Variants in ENTPD4 observed in about 807,000 individuals in gnomAD.
ENTPD4 encodes Golgi UDPase.
In ENTPD4, 60 loss-of-function variants were observed where a neutral mutation model predicts 79.1. The ratio of observed to expected loss-of-function variants is 0.76; its 90% CI spans 0.62 to 0.94. The LOEUF (loss-of-function observed/expected upper bound fraction) is 0.94, where lower values mean the gene tolerates loss of function less well. Among genes scored for constraint, ENTPD4 ranks in the 40% least tolerant of loss-of-function variants. ENTPD4 has a pLI of 0.00. For synonymous variants in ENTPD4, 276 were observed against 292.0 expected (o/e 0.95, Z 0.56); for missense variants, 772 against 775.1 (o/e 1.00, Z 0.05).
rs957079818 is a variant in ENTPD4, at chr8:23,444,351, A to AATG, written c.563+102_563+104dup. 70 of 992,748 alleles carry AATG rather than the reference A, an allele frequency of 7.1e-5. 1 individual carries two copies. The highest frequency in any genetic ancestry group is 1.6e-4 in the Admixed American group (7 of 43,792). 61.5% of individuals were successfully genotyped at this position (992,748 alleles called of 1,614,324 possible). A position where few individuals can be genotyped will look rare whatever the true frequency, so the allele number is the denominator to read the frequency against. On this transcript the variant is annotated intron_variant, in intron 5 of 12. Coordinates refer to ENST00000358689, the MANE Select transcript of ENTPD4 (RefSeq NM_004901.5). ...AAAGAATTTTGAATATTTTCCTTTC[A>AATG]ATGATGATGATGATGATGGAGAGGA...
Position 23,435,477 on chromosome 8 carries a change from C to A in ENTPD4, c.1375G>T (p.Asp459Tyr). ...NAAKFTKAAK[D>Y]YCATKWSILR... Reference sequence around the variant, plus strand: ...ATGGACCACTTTGTTGCACAATAATCCTGAAAACAAATTCACCAAAATAGA... The same window carrying A: ...ATGGACCACTTTGTTGCACAATAATACTGAAAACAAATTCACCAAAATAGA... Residue 459 changes from aspartate to tyrosine, a missense_variant and splice_region_variant, in exon 11 of 13, where the codon GAT becomes TAT. Transcript: ENST00000358689. 1 of 1,612,692 alleles carries A rather than the reference C, an allele frequency of 6.2e-7. No individual in the cohort carries two copies. Among genetic ancestry groups the A allele is most frequent in the East Asian group, 2.2e-5 (1 of 44,864 alleles).
intron 12 of ENTPD4, among the ~76,000 whole-genome samples, chr8:23,433,539 G>A (rs868105668): frequency 2.6e-5 from 4 of 152,162 alleles, no homozygotes; most frequent in Non-Finnish European, 2.9e-5. Flanking sequence ...TTAAATGGAG[G>A]GGGTGGGGGG....
At chr8:23,457,111 A>G (rs963956989) in intron 1 of ENTPD4, among the ~76,000 whole-genome samples, 2 of 152,352 alleles carry the variant, frequency 1.3e-5, no homozygotes, top group Non-Finnish European at 2.9e-5. Flanking sequence ...CATTTTTCCA[A>G]GAAGAAATCT....
rs768362885 is a variant in ENTPD4, at chr8:23,433,139, C to T, written c.1638G>A (p.Glu546=). ...AGTGGGTGTGACTGGCTCGGAAGGC[C>T]TCCTGCTGGATGTCTCTGCCCATGT... ...RFLPLRDIQQ[E]AFRASHTHWR... Residue 546 remains glutamate, a synonymous_variant, in exon 13 of 13, where the codon GAG becomes GAA. Transcript: ENST00000358689. 7 of 1,614,130 alleles carry T rather than the reference C, an allele frequency of 4.3e-6. No homozygotes were observed. In the East Asian group the frequency reaches 1.1e-4, roughly 26 times the overall value.
rs1268517179 is a variant in ENTPD4, at chr8:23,432,046, C to A, written c.*880G>T. The A allele has an allele frequency of 2.0e-6, 2 of 985,180 alleles. No homozygotes were observed. Among genetic ancestry groups the A allele is most frequent in the Non-Finnish European group, 1.2e-6 (1 of 829,888 alleles). The allele number at this position is 985,180 out of a possible 1,614,324, so 61.0% of individuals were successfully genotyped here. A position where few individuals can be genotyped will look rare whatever the true frequency, so the allele number is the denominator to read the frequency against. On this transcript the variant is annotated 3_prime_UTR_variant, in exon 13 of 13. Coordinates refer to ENST00000358689, the MANE Select transcript of ENTPD4 (RefSeq NM_004901.5). Reference sequence around the variant, plus strand: ...TCGCACAAAGCTGTAGTCGATAGTTCACTATCACTTTTATAAATGGTTATC... The same window carrying A: ...TCGCACAAAGCTGTAGTCGATAGTTAACTATCACTTTTATAAATGGTTATC...
At position 23,432,738 on chromosome 8, in the gene ENTPD4, T is replaced by A; in HGVS notation, c.*188A>T. Reference sequence around the variant, plus strand: ...TGGTCTCGATCTCCTGACCTCATGATCCGCCCGCCTCGGCCTCCCAAAGTG... The same window carrying A: ...TGGTCTCGATCTCCTGACCTCATGAACCGCCCGCCTCGGCCTCCCAAAGTG... On this transcript the variant is annotated 3_prime_UTR_variant, in exon 13 of 13. Transcript: ENST00000358689. 2.3e-6 allele frequency: 3 copies of A among 1,286,456 alleles called. No individual in the cohort carries two copies. The highest frequency in any genetic ancestry group is 1.6e-5 in the South Asian group (1 of 61,642). The allele number at this position is 1,286,456 out of a possible 1,614,324, so 79.7% of individuals were successfully genotyped here.
In ENTPD4 at chr8:23,433,157, GC is replaced by G; in HGVS notation, c.1623-4del. The G allele has an allele frequency of 6.2e-7, 1 of 1,613,570 alleles. No individual in the cohort carries two copies. Among genetic ancestry groups the G allele is most frequent in the Non-Finnish European group, 8.5e-7 (1 of 1,179,574 alleles). On this transcript the variant is annotated splice_polypyrimidine_tract_variant and splice_region_variant and intron_variant, in intron 12 of 12. Transcript: ENST00000358689. ...GGAAGGCCTCCTGCTGGATGTCTCT[GC>G]CCATGTGAACACCAAACAACAAACA...
chr8:23,442,299 G>A (rs932700805), intron 6 of ENTPD4, among the ~76,000 whole-genome samples: 4 of 152,112 alleles, frequency 2.6e-5, no homozygotes, highest in East Asian at 1.9e-4. Context: ...AATACAATAC[G>A]CTAGGTGCCA....
rs748327607 is a variant in ENTPD4 at position 23,441,676 on chromosome 8, CGCT to C, written c.772_774del (p.Ser258del). Reference sequence around the variant, plus strand: ...GCTGTCCTTTTACGGACAATGGCTTCGCTGCTTTCACTTCCAGGAATGTTAACT... The same window carrying C: ...GCTGTCCTTTTACGGACAATGGCTTCGCTTTCACTTCCAGGAATGTTAACT... On this transcript the variant is annotated inframe_deletion, in exon 8 of 13. Coordinates refer to ENST00000358689, the MANE Select transcript of ENTPD4 (RefSeq NM_004901.5). 4 of 1,614,116 alleles carry C rather than the reference CGCT, an allele frequency of 2.5e-6. No individual in the cohort carries two copies. Among genetic ancestry groups the C allele is most frequent in the Non-Finnish European group, 1.7e-6 (2 of 1,180,030 alleles).
rs531129330 is a variant in ENTPD4, at chr8:23,454,283, AC to A, written c.-98+3273del. 4.5e-4 allele frequency among the ~76,000 whole-genome samples: 69 copies of A among 152,358 alleles called. 1 individual carries two copies. The highest frequency in any genetic ancestry group is 1.8e-3 in the Admixed American group (27 of 15,302). ...ATTCCAATCTGAACATTTAAAAAAA[AC>A]ATCAGTGATAGTTGTGTGATAGCTG... On this transcript the variant is annotated intron_variant, in intron 1 of 12. Transcript: ENST00000358689.
rs559565286 is a variant in ENTPD4 at position 23,447,880 on chromosome 8, A to C, written c.212T>G (p.Leu71Arg). 246 of 1,613,908 alleles carry C rather than the reference A, an allele frequency of 1.5e-4. 2 individuals carry two copies. The South Asian group carries it at 1.7e-3, about 11-fold the overall frequency. ...AGCTTCAATGTCGGTAACTCGTGCCAGGTACCTTGTATAGAAACACACGTA... is the reference window on the plus strand; with the variant it reads ...AGCTTCAATGTCGGTAACTCGTGCCCGGTACCTTGTATAGAAACACACGTA... ...LTRDKKFQRY[L>R]ARVTDIEATD... is the part of the protein sequence containing the mutation. The change falls in exon 4 of 13, where the codon CTG (leucine) becomes CGG (arginine). Residue 71 changes from leucine to arginine, a missense_variant. By Grantham distance (102) the Leu-to-Arg change is moderately radical. Coordinates refer to ENST00000358689, the MANE Select transcript of ENTPD4 (RefSeq NM_004901.5).
In ENTPD4 at chr8:23,431,834, T is replaced by G. The variant is rs1800459260; in HGVS notation, c.*1092A>C. 2.0e-6 allele frequency: 2 copies of G among 985,350 alleles called. No individual in the cohort carries two copies. Among genetic ancestry groups the G allele is most frequent in the Admixed American group, 1.2e-4 (2 of 16,266 alleles). The allele number at this position is 985,350 out of a possible 1,614,324, so 61.0% of individuals were successfully genotyped here. A position where few individuals can be genotyped will look rare whatever the true frequency, so the allele number is the denominator to read the frequency against. ...TGGTGAAACTAGGAATTTCCAATTC[T>G]TTCAAAACCACAGTGTTCTAATGCC... On this transcript the variant is annotated 3_prime_UTR_variant, in exon 13 of 13. Transcript: ENST00000358689.
chr8:23,441,160 C>A (rs1800661686), intron 8 of ENTPD4, among the ~76,000 whole-genome samples: 1 of 152,140 alleles, frequency 6.6e-6, no homozygotes, highest in Non-Finnish European at 1.5e-5. Flanking sequence ...GCAGTGGATA[C>A]AAACCTCAAT....
Position 23,432,858 on chromosome 8 carries a change from A to G in ENTPD4, c.*68T>C. ...AAAGAAAAAACAAAACCACAGGAAA[A>G]TAAAGAGGAGAAACCCTGAGGCAAA... On this transcript the variant is annotated 3_prime_UTR_variant, in exon 13 of 13. Transcript: ENST00000358689. The G allele has an allele frequency of 6.8e-7, 1 of 1,472,246 alleles. No individual in the cohort carries two copies. The highest frequency in any genetic ancestry group is 9.0e-7 in the Non-Finnish European group (1 of 1,109,972). The allele number at this position is 1,472,246 out of a possible 1,614,324, so 91.2% of individuals were successfully genotyped here.
In ENTPD4 at chr8:23,431,954, A is replaced by C; in HGVS notation, c.*972T>G. Reference sequence around the variant, plus strand: ...AAATAAAATGTACCAGTAAATTCTGAAGTGTGTGTTTTTAAAGAACCAGCA... The same window carrying C: ...AAATAAAATGTACCAGTAAATTCTGCAGTGTGTGTTTTTAAAGAACCAGCA... On this transcript the variant is annotated 3_prime_UTR_variant, in exon 13 of 13. Coordinates refer to ENST00000358689, the MANE Select transcript of ENTPD4 (RefSeq NM_004901.5). 1 of 985,402 alleles carries C rather than the reference A, an allele frequency of 1.0e-6. No homozygotes were observed. The highest frequency in any genetic ancestry group is 1.2e-6 in the Non-Finnish European group (1 of 829,926). The allele number at this position is 985,402 out of a possible 1,614,324, so 61.0% of individuals were successfully genotyped here.
chr8:23,456,687 T>C (rs1239180361), intron 1 of ENTPD4, among the ~76,000 whole-genome samples: 1 of 152,208 alleles, frequency 6.6e-6, no homozygotes, highest in African/African-American at 2.4e-5. Context: ...TCAAACAGAA[T>C]TAACAAACCT....
chr8:23,457,209 G>GTCCCGGGTGCAGCA (rs938239824), intron 1 of ENTPD4, among the ~76,000 whole-genome samples: 2 of 152,226 alleles, frequency 1.3e-5, no homozygotes, highest in African/African-American at 4.8e-5. Context: ...GGCCGGCTGG[G>GTCCCGGGTGCAGCA]TCCCGGGTGC....
At chr8:23,456,017 C>T (rs1800951396) in intron 1 of ENTPD4, among the ~76,000 whole-genome samples, 1 of 152,224 alleles carries the variant, frequency 6.6e-6, no homozygotes, top group South Asian at 2.1e-4. Flanking sequence ...CCACCTTCTG[C>T]CTTCACTGTG....
intron 1 of ENTPD4, among the ~76,000 whole-genome samples, chr8:23,453,734 G>A (rs1205851819): frequency 2.6e-5 from 4 of 152,082 alleles, no homozygotes; most frequent in Admixed American, 2.0e-4. Context: ...TGACACACAC[G>A]AACACTTATG....
Sources: allele counts gnomAD v4.1 joint callset (sites outside exome capture counted in the v4.1 genomes callset), GRCh38; gene constraint gnomAD v4.1.1; transcripts MANE v1.5; gene names NCBI Gene and HGNC (gene_info 2026-07-23, HGNC 2026-07-21).